TTC27: variants seen among roughly 807,000 people sequenced by gnomAD.
TTC27 encodes tetratricopeptide repeat protein 27.
A neutral mutation model predicts 115.9 loss-of-function variants in TTC27; 79 were observed. The observed-to-expected ratio is 0.68, with a 90% CI of 0.57 to 0.82. The LOEUF is 0.82. Ranked by LOEUF, TTC27 falls within the 40% of genes least tolerant of loss-of-function variation. The pLI is 0.00. For synonymous variants in TTC27, 401 were observed against 356.0 expected (o/e 1.13, Z -1.42); for missense variants, 1,054 against 993.1 (o/e 1.06, Z -0.82).
chr2:32,759,333 G>A (rs918589790), intron 13 of TTC27, among the ~76,000 whole-genome samples: 1 of 152,168 alleles, frequency 6.6e-6, no homozygotes, highest in Non-Finnish European at 1.5e-5. Flanking sequence ...CACTTACTAT[G>A]AGCCAGGTAA....
At chr2:32,667,772 G>A (rs1665842453) in intron 7 of TTC27, among the ~76,000 whole-genome samples, 1 of 149,294 alleles carries the variant, frequency 6.7e-6, no homozygotes, top group African/African-American at 2.5e-5. Context: ...CCCAGTGATT[G>A]ACCTGGCATG....
chr2:32,687,662 A>T (rs1011414495), intron 9 of TTC27, among the ~76,000 whole-genome samples: 2 of 152,228 alleles, frequency 1.3e-5, no homozygotes, highest in Non-Finnish European at 2.9e-5. Flanking sequence ...TTGCTAAATT[A>T]TTATAAAGTA....
chr2:32,798,713 A>AAAAAAAAAAT lies in TTC27; in HGVS notation c.1998+11566_1998+11567insAAAAAAATAA, dbSNP rs1368512271. Among the ~76,000 whole-genome samples, 495 of 142,312 alleles carry AAAAAAAAAAT rather than the reference A, an allele frequency of 3.5e-3. 5 individuals carry two copies. Among genetic ancestry groups the AAAAAAAAAAT allele is most frequent in the African/African-American group, 0.013 (465 of 36,838 alleles). The allele number at this position is 142,312 out of a possible 152,430, so 93.4% of individuals were successfully genotyped here. ...GAGCGAGACTCCAGCTCAAAAAAAA[A>AAAAAAAAAAT]AATAATAATAATAATAATAATAATA... On this transcript the variant is annotated intron_variant, in intron 16 of 19. Coordinates refer to ENST00000317907, the MANE Select transcript of TTC27 (RefSeq NM_017735.5).
chr2:32,753,304 A>G (rs1462060188), intron 12 of TTC27, among the ~76,000 whole-genome samples: 4 of 152,088 alleles, frequency 2.6e-5, no homozygotes, highest in Admixed American at 1.3e-4. Context: ...GCATAGTGTC[A>G]CTTTTACCAT....
At chr2:32,638,121 A>G (rs141074165) in intron 3 of TTC27, among the ~76,000 whole-genome samples, 1 of 152,362 alleles carries the variant, frequency 6.6e-6, no homozygotes, top group African/African-American at 2.4e-5. Flanking sequence ...AATTGGAAAC[A>G]TGGGCTTCAC....
chr2:32,684,444 C>A (rs879355682), intron 9 of TTC27, among the ~76,000 whole-genome samples: 235 of 142,178 alleles, frequency 1.7e-3, no homozygotes, highest in Middle Eastern at 3.5e-3. Flanking sequence ...AAACAAGTTT[C>A]AAAAAAAAAA....
At chr2:32,700,238 G>T (rs1450392656) in intron 9 of TTC27, among the ~76,000 whole-genome samples, 1 of 152,146 alleles carries the variant, frequency 6.6e-6, no homozygotes, top group East Asian at 1.9e-4. Context: ...TCCCAACTCT[G>T]TGAGAGATGG....
chr2:32,707,577 A>G (rs1316284844), intron 10 of TTC27, among the ~76,000 whole-genome samples: 1 of 152,196 alleles, frequency 6.6e-6, no homozygotes, highest in Non-Finnish European at 1.5e-5. Context: ...AGTTTAGTCT[A>G]TATCCTAATT....
intron 9 of TTC27, among the ~76,000 whole-genome samples, chr2:32,684,377 A>C (rs955249071): frequency 6.6e-6 from 1 of 152,092 alleles, no homozygotes; most frequent in East Asian, 1.9e-4. Context: ...TAATGCCGCA[A>C]TAAACATACG....
chr2:32,685,834 G>C lies in TTC27; in HGVS notation c.1119+6912G>C, dbSNP rs750920981. Among the ~76,000 whole-genome samples, 5 of 152,282 alleles carry C rather than the reference G, an allele frequency of 3.3e-5. No homozygotes were observed. The East Asian group carries it at 9.6e-4, about 29-fold the overall frequency. On this transcript the variant is annotated intron_variant, in intron 9 of 19. Coordinates refer to ENST00000317907, the MANE Select transcript of TTC27 (RefSeq NM_017735.5). ...GTCTGCTTTCTTCACTTGTCTTCTA[G>C]TTGAACTAGAATCCTAGTAGTGCAA...
At chr2:32,699,152 A>C (rs976958676) in intron 9 of TTC27, among the ~76,000 whole-genome samples, 1 of 152,224 alleles carries the variant, frequency 6.6e-6, no homozygotes, top group African/African-American at 2.4e-5. Context: ...TATGTAAGGC[A>C]CTAGGAATCA....
At chr2:32,734,462 A>G (rs1429460768) in intron 11 of TTC27, among the ~76,000 whole-genome samples, 1 of 152,234 alleles carries the variant, frequency 6.6e-6, no homozygotes, top group Non-Finnish European at 1.5e-5. Flanking sequence ...AAAGCAAAAG[A>G]AAGCATTTAT....
At chr2:32,651,945 C>G (rs1158029450) in intron 5 of TTC27, among the ~76,000 whole-genome samples, 1 of 151,988 alleles carries the variant, frequency 6.6e-6, no homozygotes, top group Non-Finnish European at 1.5e-5. Context: ...GTAACATAAG[C>G]CTGGGGGTCT....
intron 12 of TTC27, among the ~76,000 whole-genome samples, chr2:32,738,869 A>T (rs990025121): frequency 2.0e-5 from 3 of 152,198 alleles, no homozygotes; most frequent in Non-Finnish European, 2.9e-5. Context: ...TTTGTTTTGT[A>T]CTGAGATGTA....
Position 32,814,231 on chromosome 2 carries a change from T to G in TTC27, c.2308+1616T>G, listed in dbSNP as rs76013602. On this transcript the variant is annotated intron_variant, in intron 18 of 19. Coordinates refer to ENST00000317907, the MANE Select transcript of TTC27 (RefSeq NM_017735.5). ...AAGAGAGATATGCAGGTTAAAGAGA[T>G]ACTCTAGGAAAAATCTTTATTTTGC... Among the ~76,000 whole-genome samples, 47 of 152,330 alleles carry G rather than the reference T, an allele frequency of 3.1e-4. No homozygotes were observed. In the East Asian group the frequency reaches 8.7e-3, roughly 28 times the overall value.
chr2:32,744,431 T>G (rs1361127836), intron 12 of TTC27, among the ~76,000 whole-genome samples: 2 of 152,234 alleles, frequency 1.3e-5, no homozygotes, highest in Non-Finnish European at 2.9e-5. Context: ...CTATTTAATG[T>G]TGACAACAGC....
intron 10 of TTC27, among the ~76,000 whole-genome samples, chr2:32,708,104 G>T (rs1667440021): frequency 6.6e-6 from 1 of 151,998 alleles, no homozygotes; most frequent in Admixed American, 6.6e-5. Context: ...AACTATACAG[G>T]TTCGCTTATA....
chr2:32,700,778 G>T (rs1054935997), intron 9 of TTC27, among the ~76,000 whole-genome samples: 1 of 152,196 alleles, frequency 6.6e-6, no homozygotes, highest in Admixed American at 6.5e-5. Context: ...GACCTTAGGT[G>T]ATCCACCCGC....
intron 9 of TTC27, among the ~76,000 whole-genome samples, chr2:32,692,999 A>G (rs1666868690): frequency 6.6e-6 from 1 of 151,994 alleles, no homozygotes; most frequent in Admixed American, 6.6e-5. Context: ...AATCTATAAA[A>G]CATAATTAAG....
Sources: allele counts gnomAD v4.1 joint callset (sites outside exome capture counted in the v4.1 genomes callset), GRCh38; gene constraint gnomAD v4.1.1; transcripts MANE v1.5; gene names NCBI Gene and HGNC (gene_info 2026-07-23, HGNC 2026-07-21).